FRMD4B: variants seen among roughly 807,000 people sequenced by gnomAD.
The protein encoded by FRMD4B is FERM domain-containing protein 4B.
In FRMD4B, 74 loss-of-function variants were observed where a neutral mutation model predicts 141.5. That is an observed-to-expected ratio of 0.52 (90% CI 0.43 to 0.63). The LOEUF (loss-of-function observed/expected upper bound fraction) is 0.63. FRMD4B is among the 30% of genes least tolerant of loss of function. The pLI, the probability that FRMD4B is intolerant of heterozygous loss-of-function variation, is 0.00. For missense variants in FRMD4B, 1,366 were observed against 1,253.4 expected, an observed-to-expected ratio of 1.09 and a Z score of -1.36; for synonymous variants, 506 against 467.9, an observed-to-expected ratio of 1.08 and a Z score of -1.05.
chr3:69,210,723 G>A (rs1458158745), intron 11 of FRMD4B, among the ~76,000 whole-genome samples: 1 of 152,134 alleles, frequency 6.6e-6, no homozygotes, highest in Non-Finnish European at 1.5e-5. Flanking sequence ...CAGAAAATTT[G>A]AGGGTGGAGG....
intron 5 of FRMD4B, among the ~76,000 whole-genome samples, chr3:69,258,547 T>C (rs981981653): frequency 5.9e-5 from 9 of 152,240 alleles, no homozygotes; most frequent in Non-Finnish European, 7.3e-5. Flanking sequence ...TCACCTTTAC[T>C]GGTTTGAGCA....
rs112123590 is a variant in FRMD4B, at chr3:69,422,585, G to C, written c.-1+10049C>G. ...AAACTTTTCTATAAAGGACCAGACA[G>C]TAAATATTTTCAGCTCTGTGGGCTA... On this transcript the variant is annotated intron_variant, in intron 2 of 5. Coordinates refer to the FRMD4B transcript ENST00000459638. Among the ~76,000 whole-genome samples the C allele has an allele frequency of 8.4e-3, 1,276 of 152,180 alleles. 18 individuals are homozygous for C. The highest frequency in any genetic ancestry group is 0.025 in the African/African-American group (1,034 of 41,504).
chr3:69,308,359 T>C (rs1006807752), intron 3 of FRMD4B, among the ~76,000 whole-genome samples: 1 of 152,060 alleles, frequency 6.6e-6, no homozygotes, highest in African/African-American at 2.4e-5. Context: ...CAAGATTCTC[T>C]GATACCTGCT....
At chr3:69,318,975 C>G (rs1701898316) in intron 1 of FRMD4B, among the ~76,000 whole-genome samples, 1 of 152,196 alleles carries the variant, frequency 6.6e-6, no homozygotes, top group Non-Finnish European at 1.5e-5. Flanking sequence ...GTTCTGTCAT[C>G]TGAGTGAGCA....
chr3:69,481,044 G>A (rs1233796277), intron 1 of FRMD4B, among the ~76,000 whole-genome samples: 5 of 152,172 alleles, frequency 3.3e-5, no homozygotes, highest in African/African-American at 9.7e-5. Flanking sequence ...CTGGTGCGCC[G>A]TTTTTTAAGC....
chr3:69,481,556 A>G (rs1341512257), intron 1 of FRMD4B, among the ~76,000 whole-genome samples: 1 of 152,190 alleles, frequency 6.6e-6, no homozygotes, highest in Non-Finnish European at 1.5e-5. Context: ...TAAGAATGGC[A>G]GGGAGGAAGC....
intron 1 of FRMD4B, among the ~76,000 whole-genome samples, chr3:69,348,976 C>A (rs560239557): frequency 6.6e-5 from 10 of 152,216 alleles, no homozygotes; most frequent in African/African-American, 2.2e-4. Context: ...CTGGCCAGGG[C>A]AATCAGGCAG....
chr3:69,225,639 G>A (rs1007261031), intron 7 of FRMD4B, among the ~76,000 whole-genome samples: 37 of 127,470 alleles, frequency 2.9e-4, no homozygotes, highest in Non-Finnish European at 4.7e-4. Flanking sequence ...AGCTTGCAGT[G>A]AGCCGAGATC....
At chr3:69,537,263 A>C (rs1701101895) in intron 1 of FRMD4B, among the ~76,000 whole-genome samples, 1 of 152,134 alleles carries the variant, frequency 6.6e-6, no homozygotes, top group Non-Finnish European at 1.5e-5. Flanking sequence ...TGTACACACT[A>C]GGCCCCCTTT....
intron 13 of FRMD4B, 48 bp from the exon 14 acceptor site, chr3:69,196,444 A>G (rs780870029): frequency 3.6e-6 from 5 of 1,391,716 alleles, no homozygotes; most frequent in Non-Finnish European, 4.0e-6. Context: ...ACATACTTCA[A>G]ATTAATGAAA....
intron 2 of FRMD4B, among the ~76,000 whole-genome samples, chr3:69,400,120 T>A (rs2106749059): frequency 6.6e-6 from 1 of 152,142 alleles, no homozygotes; most frequent in Non-Finnish European, 1.5e-5. Flanking sequence ...GCATGGTGGC[T>A]CATGCCTGTA....
intron 12 of FRMD4B, 119 bp from the exon 13 acceptor site, chr3:69,197,157 A>G: frequency 1.5e-6 from 1 of 681,640 alleles, no homozygotes. Context: ...TGTTGCAAAA[A>G]CTCTTACGCA....
rs1170675639 is a variant in FRMD4B at position 69,265,254 on chromosome 3, CAA to C, written c.502-15157_502-15156del. Among the ~76,000 whole-genome samples the C allele has an allele frequency of 1.8e-3, 15 of 8,416 alleles. 1 individual carries two copies. The highest frequency in any genetic ancestry group is 7.9e-3 in the South Asian group (1 of 126). The allele number at this position is 8,416 out of a possible 152,430, so 5.5% of individuals were successfully genotyped here. On this transcript the variant is annotated intron_variant, in intron 5 of 22. Transcript: ENST00000398540. ...TGGGCAACACAGCGAGACTCCATCTCAAAAAAAAAAAAAAAATATATATATAT... is the reference window on the plus strand; with the variant it reads ...TGGGCAACACAGCGAGACTCCATCTCAAAAAAAAAAAAAATATATATATAT...
intron 5 of FRMD4B, among the ~76,000 whole-genome samples, chr3:69,252,569 A>G (rs1223393590): frequency 6.6e-6 from 1 of 152,252 alleles, no homozygotes; most frequent in Non-Finnish European, 1.5e-5. Flanking sequence ...ACTGACTGCC[A>G]AAGTTCTTTG....
At chr3:69,373,235 T>C (rs1371918053) in intron 1 of FRMD4B, among the ~76,000 whole-genome samples, 1 of 152,254 alleles carries the variant, frequency 6.6e-6, no homozygotes, top group Non-Finnish European at 1.5e-5. Context: ...TAAATGAGTT[T>C]ATCAAATCCA....
intron 7 of FRMD4B, among the ~76,000 whole-genome samples, chr3:69,227,161 T>C (rs529466398): frequency 3.8e-4 from 58 of 152,320 alleles, no homozygotes; most frequent in Non-Finnish European, 7.2e-4. Flanking sequence ...CTACTCCAGT[T>C]ATAAGATGTT....
intron 19 of FRMD4B, among the ~76,000 whole-genome samples, chr3:69,184,169 C>T (rs1304163108): frequency 6.6e-6 from 1 of 152,132 alleles, no homozygotes. Flanking sequence ...GCCTCAGCCT[C>T]CCAAAGTGCT....
intron 2 of FRMD4B, among the ~76,000 whole-genome samples, chr3:69,312,304 G>A (rs955332627): frequency 6.6e-5 from 10 of 152,058 alleles, no homozygotes; most frequent in Non-Finnish European, 1.0e-4. Flanking sequence ...GGTATATTAC[G>A]ATGGCTGTTG....
At chr3:69,209,623 C>G (rs1211527320) in intron 11 of FRMD4B, among the ~76,000 whole-genome samples, 1 of 152,208 alleles carries the variant, frequency 6.6e-6, no homozygotes. Context: ...ATTTCAAATC[C>G]ATGCTGTAGG....
Sources: gnomAD v4.1 joint callset for allele counts (sites outside exome capture counted in the v4.1 genomes callset) on GRCh38, gnomAD v4.1.1 for gene constraint, MANE v1.5 for transcripts, NCBI Gene and HGNC (gene_info 2026-07-23, HGNC 2026-07-21) for gene names.